The following ILDR1 variants were observed in gnomAD, a reference collection of about 807,000 sequenced individuals.
The protein encoded by ILDR1 is immunoglobulin like domain containing receptor 1.
ILDR1 carries 56 observed loss-of-function variants against 62.4 expected under a neutral mutation model. The ratio of observed to expected loss-of-function variants is 0.90; its 90% CI spans 0.72 to 1.12. ILDR1 has a LOEUF of 1.12. Among genes scored for constraint, ILDR1 ranks in the 50% most tolerant of loss-of-function variants. The pLI is 0.00. For synonymous variants in ILDR1, 284 were observed against 277.8 expected, an observed-to-expected ratio of 1.02 and a Z score of -0.22; for missense variants, 736 against 710.6, an observed-to-expected ratio of 1.04 and a Z score of -0.41.
chr3:122,014,569 GA>G (rs2071752235), intron 1 of ILDR1, among the ~76,000 whole-genome samples: 1 of 152,102 alleles, frequency 6.6e-6, no homozygotes, highest in East Asian at 1.9e-4. Context: ...TTACTGAAAT[GA>G]ATATGATTAT....
In ILDR1 at chr3:122,007,068, G is replaced by A. The variant is rs761132699; in HGVS notation, c.152C>T (p.Ala51Val). 4.3e-6 allele frequency: 7 copies of A among 1,613,996 alleles called. No individual in the cohort carries two copies. Among genetic ancestry groups the A allele is most frequent in the South Asian group, 3.3e-5 (3 of 91,084 alleles). The stretch of plus-strand genomic sequence containing the variant: ...TGTCACCACCACGTCCTGGAGCTGG[G>A]CAGAGGTGGTGTAGTCACATTTGAG... ...IILKCDYTTS[A>V]QLQDVVVTWR... Residue 51 changes from alanine (A) to valine (V), a missense_variant, in exon 2 of 8, where the codon GCC (alanine) becomes GTC (valine). Coordinates refer to ENST00000344209, the MANE Select transcript of ILDR1 (RefSeq NM_001199799.2).
the ILDR1 span, among the ~76,000 whole-genome samples, chr3:122,035,385 G>A: frequency 2.9e-4 from 44 of 152,204 alleles, no homozygotes; most frequent in African/African-American, 9.6e-4. Flanking sequence ...TGGAAACCTA[G>A]GATAATCACT....
the ILDR1 span, among the ~76,000 whole-genome samples, chr3:122,057,921 G>A: frequency 6.7e-4 from 102 of 152,320 alleles, no homozygotes; most frequent in Non-Finnish European, 1.2e-3. Context: ...CTAAGTGGCC[G>A]CACATTGAAG....
chr3:121,996,659 C>T (rs772198740), intron 5 of ILDR1, among the ~76,000 whole-genome samples: 1 of 152,162 alleles, frequency 6.6e-6, no homozygotes, highest in Non-Finnish European at 1.5e-5. Flanking sequence ...GCCTTAGTCA[C>T]CCTTAATGAG....
At chr3:122,056,599 T>C in the ILDR1 span, among the ~76,000 whole-genome samples, 2 of 152,208 alleles carry the variant, frequency 1.3e-5, no homozygotes. Flanking sequence ...CCCAAAGTGC[T>C]GGGATTACAG....
At chr3:122,004,829 T>A (rs1392784896) in intron 3 of ILDR1, among the ~76,000 whole-genome samples, 1 of 152,124 alleles carries the variant, frequency 6.6e-6, no homozygotes, top group African/African-American at 2.4e-5. Context: ...GGTCATCTGC[T>A]CAGAGGACCC....
chr3:121,993,597 C>A lies in ILDR1; in HGVS notation c.1152G>T (p.Gly384=). 1 of 1,614,222 alleles carries A rather than the reference C, an allele frequency of 6.2e-7. No homozygotes were observed. The highest frequency in any genetic ancestry group is 8.5e-7 in the Non-Finnish European group (1 of 1,180,046). ...TTCTTTCCAATGCCCAAGACTTTGG[C>A]CCCCGGTCCTGGAGCTCCTGGTGGA... ...PDFHQELQDR[G]PKSWALERRE... The change falls in exon 7 of 8, where the codon GGG becomes GGT. Residue 384 remains glycine, a synonymous_variant. Transcript: ENST00000344209.
At chr3:122,053,483 T>C in the ILDR1 span, among the ~76,000 whole-genome samples, 1 of 152,124 alleles carries the variant, frequency 6.6e-6, no homozygotes, top group African/African-American at 2.4e-5. Context: ...TAGAAAATTG[T>C]AATATAAAAA....
At chr3:122,029,504 T>TAAAAA in the ILDR1 span, among the ~76,000 whole-genome samples, 15 of 138,516 alleles carry the variant, frequency 1.1e-4, no homozygotes, top group African/African-American at 4.0e-4. Flanking sequence ...ACACTCCGTC[T>TAAAAA]AAAAAAAATA....
chr3:122,056,316 G>C, the ILDR1 span, among the ~76,000 whole-genome samples: 6 of 152,116 alleles, frequency 3.9e-5, no homozygotes, highest in African/African-American at 7.2e-5. Context: ...GCTGGCGCCA[G>C]TCACTATGTA....
chr3:122,030,530 T>G, the ILDR1 span, among the ~76,000 whole-genome samples: 1 of 151,972 alleles, frequency 6.6e-6, no homozygotes, highest in Non-Finnish European at 1.5e-5. Flanking sequence ...TGCTGAATCA[T>G]GCCACCACTC....
chr3:122,048,365 G>A, the ILDR1 span, among the ~76,000 whole-genome samples: 4 of 152,096 alleles, frequency 2.6e-5, no homozygotes, highest in African/African-American at 9.7e-5. Flanking sequence ...TTTGCATCAG[G>A]GATATTGGCC....
At chr3:122,046,824 A>AT in the ILDR1 span, among the ~76,000 whole-genome samples, 9 of 133,338 alleles carry the variant, frequency 6.7e-5, no homozygotes, top group Admixed American at 3.8e-4. Flanking sequence ...ATTCTTCTAA[A>AT]TTTTTTTCAA....
chr3:122,008,593 C>CTTTT (rs10546593), intron 1 of ILDR1, among the ~76,000 whole-genome samples: 3 of 80,112 alleles, frequency 3.7e-5, no homozygotes, highest in African/African-American at 7.4e-5. Context: ...CTTTTCTTTT[C>CTTTT]TTTTTTTTTT....
chr3:122,039,568 A>G, the ILDR1 span, among the ~76,000 whole-genome samples: 1 of 152,150 alleles, frequency 6.6e-6, no homozygotes, highest in Non-Finnish European at 1.5e-5. Flanking sequence ...TGGAGAAATA[A>G]AGACTTTTTC....
chr3:122,036,053 T>A, the ILDR1 span, among the ~76,000 whole-genome samples: 19 of 152,238 alleles, frequency 1.2e-4, no homozygotes, highest in African/African-American at 4.6e-4. Context: ...CAGATGGAGA[T>A]GAGGAACTTA....
At chr3:122,011,371 G>T (rs1281683842) in intron 1 of ILDR1, among the ~76,000 whole-genome samples, 1 of 151,708 alleles carries the variant, frequency 6.6e-6, no homozygotes, top group Non-Finnish European at 1.5e-5. Flanking sequence ...TGGGGAGAAA[G>T]GTGATCACTC....
intron 1 of ILDR1, among the ~76,000 whole-genome samples, chr3:122,017,270 A>G (rs2071789930): frequency 6.6e-6 from 1 of 151,816 alleles, no homozygotes; most frequent in Non-Finnish European, 1.5e-5. Flanking sequence ...GCTGGTCTTG[A>G]ACTCCTGACT....
chr3:122,000,253 GAAAAAAA>G (rs757632692), intron 5 of ILDR1, among the ~76,000 whole-genome samples: 4 of 126,770 alleles, frequency 3.2e-5, no homozygotes, highest in African/African-American at 5.8e-5. Flanking sequence ...AGTTAAGGAG[GAAAAAAA>G]AAAAAAAAGA....
Sources: allele counts gnomAD v4.1 joint callset (sites outside exome capture counted in the v4.1 genomes callset), GRCh38; gene constraint gnomAD v4.1.1; transcripts MANE v1.5; gene names NCBI Gene and HGNC (gene_info 2026-07-23, HGNC 2026-07-21).